Variants in UGT1A6 observed in about 807,000 individuals in gnomAD.
UGT1A6 encodes UDP glucuronosyltransferase family 1 member A6.
Under a neutral mutation model 44.4 loss-of-function variants are expected in UGT1A6, and 32 were observed. That is an observed-to-expected ratio of 0.72 (90% confidence interval 0.54 to 0.97). UGT1A6 has a LOEUF of 0.97. UGT1A6 is among the 50% of genes least tolerant of loss of function. The probability of loss-of-function intolerance (pLI) is 0.00; values close to 1 mark genes in which losing one functional copy is unlikely to be tolerated. For synonymous variants in UGT1A6, 238 were observed against 248.5 expected, an observed-to-expected ratio of 0.96 and a Z score of 0.40; for missense variants, 685 against 661.9, an observed-to-expected ratio of 1.03 and a Z score of -0.38.
chr2:233,719,253 T>A (rs757974973), intron 1 of UGT1A6: 2 of 1,614,038 alleles, frequency 1.2e-6, no homozygotes, highest in African/African-American at 2.7e-5. Flanking sequence ...GAATGCTACT[T>A]CCTTTGATGT....
chr2:233,757,927 A>C (rs1242249137), intron 1 of UGT1A6, among the ~76,000 whole-genome samples: 4 of 152,044 alleles, frequency 2.6e-5, no homozygotes, highest in African/African-American at 9.7e-5. Flanking sequence ...GCAGCCCCCA[A>C]AGCAAGACCA....
chr2:233,729,971 C>T (rs1206556766), intron 1 of UGT1A6: 1 of 1,613,904 alleles, frequency 6.2e-7, no homozygotes, highest in Non-Finnish European at 8.5e-7. Context: ...ATCAACTGTG[C>T]CAACAGGAAG....
At chr2:233,710,354 C>T (rs1003120760) in intron 1 of UGT1A6, among the ~76,000 whole-genome samples, 3 of 152,174 alleles carry the variant, frequency 2.0e-5, no homozygotes, top group Non-Finnish European at 4.4e-5. Context: ...GTTTCCAAAG[C>T]AGTTATACAA....
At chr2:233,704,255 G>A (rs1278794786) in intron 1 of UGT1A6, among the ~76,000 whole-genome samples, 1 of 76,424 alleles carries the variant, frequency 1.3e-5, no homozygotes, top group African/African-American at 8.7e-5. Flanking sequence ...TGCCTTTATT[G>A]CTTTTTTTTT....
chr2:233,760,847 C>A, intron 1 of UGT1A6: 1 of 1,614,018 alleles, frequency 6.2e-7, no homozygotes, highest in South Asian at 1.1e-5. Flanking sequence ...ACCCAGTGCC[C>A]CAACCCATTC....
At chr2:233,727,703 C>T (rs944124074) in intron 1 of UGT1A6, among the ~76,000 whole-genome samples, 2 of 152,208 alleles carry the variant, frequency 1.3e-5, no homozygotes, top group Non-Finnish European at 2.9e-5. Context: ...CTGGACAGTT[C>T]CCAAAGCCCT....
chr2:233,698,160 C>T (rs1351823823), intron 1 of UGT1A6, among the ~76,000 whole-genome samples: 1 of 152,066 alleles, frequency 6.6e-6, no homozygotes, highest in Non-Finnish European at 1.5e-5. Flanking sequence ...GCATGTCGTC[C>T]TAGAGAACAT....
At chr2:233,710,958 T>C (rs2076155370) in intron 1 of UGT1A6, among the ~76,000 whole-genome samples, 1 of 152,220 alleles carries the variant, frequency 6.6e-6, no homozygotes, top group Non-Finnish European at 1.5e-5. Context: ...GTCTCTGAGA[T>C]TGGCAGAGGG....
chr2:233,735,700 G>T (rs940691560), intron 1 of UGT1A6, among the ~76,000 whole-genome samples: 1 of 151,948 alleles, frequency 6.6e-6, no homozygotes, highest in African/African-American at 2.4e-5. Context: ...TGTAAGGCAG[G>T]CCTGGTGGTG....
chr2:233,744,344 C>T (rs1692781957), intron 1 of UGT1A6, among the ~76,000 whole-genome samples: 1 of 151,964 alleles, frequency 6.6e-6, no homozygotes, highest in South Asian at 2.1e-4. Flanking sequence ...CTGACTGGGG[C>T]TGAAGACATC....
chr2:233,730,127 C>G (rs2077990319), intron 1 of UGT1A6: 1 of 1,540,256 alleles, frequency 6.5e-7, no homozygotes, highest in East Asian at 2.4e-5. Context: ...GTCATAATAG[C>G]CTTCAGTGAG....
At chr2:233,741,946 A>T (rs1293176575) in intron 1 of UGT1A6, 1 of 151,876 alleles carries the variant, frequency 6.6e-6, no homozygotes, top group Non-Finnish European at 1.5e-5. Flanking sequence ...TGCCAACAGA[A>T]AGGTACTTTC....
chr2:233,724,020 T>A (rs1486209215), intron 1 of UGT1A6, among the ~76,000 whole-genome samples: 1 of 67,562 alleles, frequency 1.5e-5, no homozygotes. Context: ...ATTGTCATCC[T>A]GGCCCGTTCT....
At position 233,768,395 on chromosome 2, in the gene UGT1A6, T is replaced by A; in HGVS notation, c.1257T>A (p.Ser419=). 1 of 1,614,130 alleles carries A rather than the reference T, an allele frequency of 6.2e-7. No individual in the cohort carries two copies. Among genetic ancestry groups the A allele is most frequent in the Non-Finnish European group, 8.5e-7 (1 of 1,180,032 alleles). Residue 419 remains serine, a synonymous_variant, in exon 4 of 5, where the codon TCT becomes TCA. Coordinates refer to ENST00000305139, the MANE Select transcript of UGT1A6 (RefSeq NM_001072.4). The part of the protein sequence containing the change: ...GVTLNVLEMT[S]EDLENALKAV... ...CCCTGAATGTTCTGGAAATGACTTC[T>A]GAAGATTTAGAAAATGCTCTAAAAG... is the stretch of plus-strand genomic sequence containing the variant.
At chr2:233,743,214 G>A (rs1433363859) in intron 1 of UGT1A6, 1 of 406,842 alleles carries the variant, frequency 2.5e-6, no homozygotes, top group Non-Finnish European at 4.9e-6. Flanking sequence ...CGGAGTAACT[G>A]CTCTTTGCTA....
chr2:233,763,116 C>G lies in UGT1A6; in HGVS notation c.862-3918C>G, dbSNP rs565550780. On this transcript the variant is annotated intron_variant, in intron 1 of 4. Transcript: ENST00000305139. ...GAGAGGCACCGAACTTTATCAGCTG[C>G]CTTTCTGGCATTTATTGATATAACC... Among the ~76,000 whole-genome samples, 8 of 152,296 alleles carry G rather than the reference C, an allele frequency of 5.3e-5. No individual in the cohort carries two copies. The South Asian group carries it at 8.3e-4, about 16-fold the overall frequency.
intron 1 of UGT1A6, chr2:233,750,567 C>G (rs1230562765): frequency 2.0e-5 from 3 of 151,970 alleles, no homozygotes; most frequent in Admixed American, 6.5e-5. Context: ...GCAGCAGACC[C>G]TCCCATCACA....
intron 1 of UGT1A6, among the ~76,000 whole-genome samples, chr2:233,739,216 G>A (rs1265405440): frequency 6.6e-6 from 1 of 152,218 alleles, no homozygotes; most frequent in Admixed American, 6.5e-5. Context: ...CATGGATAGA[G>A]TCCTTATAGA....
At chr2:233,757,106 G>A (rs1294387153) in intron 1 of UGT1A6, among the ~76,000 whole-genome samples, 2 of 151,332 alleles carry the variant, frequency 1.3e-5, no homozygotes, top group African/African-American at 4.9e-5. Flanking sequence ...GAGGGGGCAA[G>A]CAGAAGGGCT....
Sources: gnomAD v4.1 joint callset for allele counts (sites outside exome capture counted in the v4.1 genomes callset) on GRCh38, gnomAD v4.1.1 for gene constraint, MANE v1.5 for transcripts, NCBI Gene and HGNC (gene_info 2026-07-23, HGNC 2026-07-21) for gene names.